The following ZNF423 variants were observed in gnomAD, a reference collection of about 807,000 sequenced individuals.
ZNF423 encodes Ebf-associated zinc finger protein.
A neutral mutation model predicts 95.8 loss-of-function variants in ZNF423; 12 were observed. The ratio of observed to expected loss-of-function variants is 0.13; its 90% CI spans 0.08 to 0.20. ZNF423 has a LOEUF of 0.20. ZNF423 is among the 10% of genes least tolerant of loss of function. The pLI is 1.00. For missense variants in ZNF423, 1,316 were observed against 1,737.1 expected, an observed-to-expected ratio of 0.76 and a Z score of 4.31; for synonymous variants, 749 against 711.9, an observed-to-expected ratio of 1.05 and a Z score of -0.83.
intron 2 of ZNF423, among the ~76,000 whole-genome samples, chr16:49,763,447 G>C (rs2033868797): frequency 6.6e-6 from 1 of 151,960 alleles, no homozygotes; most frequent in Admixed American, 6.6e-5. Context: ...GCTAATTTTT[G>C]TATTTTTTCT....
intron 1 of ZNF423, among the ~76,000 whole-genome samples, chr16:49,842,882 G>A (rs1319572105): frequency 1.7e-4 from 26 of 151,872 alleles, no homozygotes; most frequent in Non-Finnish European, 3.4e-4. Flanking sequence ...GGGAGGCTGA[G>A]GCAGGAGAAT....
rs116047098 is a variant in ZNF423 at position 49,614,874 on chromosome 16, T to C, written c.3601+11296A>G. On this transcript the variant is annotated intron_variant, in intron 5 of 7. Coordinates refer to ENST00000563137, the MANE Select transcript of ZNF423 (RefSeq NM_001379286.1). ...GATAGGGAGCAGTGGCTCACAACAG[T>C]AATCCCAGCACTTTGGGAGGCTCTG... Among the ~76,000 whole-genome samples, 153 of 152,282 alleles carry C rather than the reference T, an allele frequency of 1.0e-3. 1 individual carries two copies. The highest frequency in any genetic ancestry group is 3.5e-3 in the African/African-American group (147 of 41,558).
rs780675289 is a variant in ZNF423, at chr16:49,638,123, G to A, written c.1053C>T (p.Asp351=). ...TGCTGGAGTCGGGCTGCCGGTGGCT[G>A]TCCAGGTGGCAGTAGACACCTTCCA... is the stretch of plus-strand genomic sequence containing the variant. ...SSVEGVYCHL[D]SHRQPDSSNH... is the part of the protein sequence containing the mutation. Residue 351 remains aspartate (D), a synonymous_variant, in exon 4 of 8, where the codon GAC becomes GAT. Transcript: ENST00000563137. This position sits in a 1 kb window ranked among gnomAD's most constrained non-coding sequence, Gnocchi z 5.6. 4 of 1,612,888 alleles carry A rather than the reference G, an allele frequency of 2.5e-6. No homozygotes were observed. Among genetic ancestry groups the A allele is most frequent in the Non-Finnish European group, 3.4e-6 (4 of 1,180,014 alleles).
At chr16:49,835,852 C>T (rs567945134) in intron 1 of ZNF423, among the ~76,000 whole-genome samples, 29 of 152,052 alleles carry the variant, frequency 1.9e-4, no homozygotes, top group Non-Finnish European at 3.4e-4. Flanking sequence ...GCCGGGAAAA[C>T]GGGGCCCAGG....
At chr16:49,642,804 T>G (rs1179374772) in intron 3 of ZNF423, among the ~76,000 whole-genome samples, 2 of 137,944 alleles carry the variant, frequency 1.4e-5, no homozygotes, top group East Asian at 4.1e-4. Flanking sequence ...CTCTTTTCTT[T>G]TTTTTTTTTT....
chr16:49,754,994 T>A (rs2033698665), intron 2 of ZNF423, among the ~76,000 whole-genome samples: 2 of 152,182 alleles, frequency 1.3e-5, no homozygotes, highest in Non-Finnish European at 2.9e-5. Context: ...ATACACTCAC[T>A]GCAACAGTCC....
chr16:49,572,352 A>G (rs906652706), intron 5 of ZNF423, among the ~76,000 whole-genome samples: 4 of 152,178 alleles, frequency 2.6e-5, no homozygotes, highest in African/African-American at 7.2e-5. Context: ...GAAGGATTTT[A>G]ACTGGGGGGA....
chr16:49,599,190 G>A (rs1971277659), intron 5 of ZNF423, among the ~76,000 whole-genome samples: 1 of 152,160 alleles, frequency 6.6e-6, no homozygotes, highest in Non-Finnish European at 1.5e-5. Flanking sequence ...AGAAAGAAGG[G>A]AGGGAAAAGA....
chr16:49,616,147 A>T (rs1007606030), intron 5 of ZNF423, among the ~76,000 whole-genome samples: 9 of 152,184 alleles, frequency 5.9e-5, no homozygotes, highest in African/African-American at 2.2e-4. Context: ...ACTGCCTGGC[A>T]CACAGTAGGT....
chr16:49,837,656 C>T (rs796795877), intron 1 of ZNF423, among the ~76,000 whole-genome samples: 1 of 152,234 alleles, frequency 6.6e-6, no homozygotes, highest in Non-Finnish European at 1.5e-5. Context: ...GCCCCTGCCC[C>T]TCCAGACAGT....
At chr16:49,594,618 C>T (rs896637596) in intron 5 of ZNF423, among the ~76,000 whole-genome samples, 13 of 152,150 alleles carry the variant, frequency 8.5e-5, no homozygotes, top group Non-Finnish European at 1.5e-5. Context: ...AGACCACAAA[C>T]ACACTCAAAG....
chr16:49,790,986 G>A (rs6500257), intron 1 of ZNF423, among the ~76,000 whole-genome samples: 77,004 of 151,932 alleles, frequency 0.51, 20,068 homozygotes, highest in East Asian at 0.62. Flanking sequence ...CCTGCTCTAC[G>A]TGGTGCTCTA....
chr16:49,606,783 C>G (rs1432692242), intron 5 of ZNF423, among the ~76,000 whole-genome samples: 3 of 152,168 alleles, frequency 2.0e-5, no homozygotes, highest in Non-Finnish European at 4.4e-5. Context: ...TATCTTTTCA[C>G]TTATATGTTC....
intron 5 of ZNF423, among the ~76,000 whole-genome samples, chr16:49,569,502 C>T (rs1047142696): frequency 6.6e-6 from 1 of 152,198 alleles, no homozygotes; most frequent in Non-Finnish European, 1.5e-5. Flanking sequence ...AGCCCTGTAA[C>T]GTCCTGGCTG....
At chr16:49,550,762 T>G (rs1192173364) in intron 5 of ZNF423, among the ~76,000 whole-genome samples, 1 of 152,194 alleles carries the variant, frequency 6.6e-6, no homozygotes. Flanking sequence ...TCTCAACTCA[T>G]GCCAGTAATG....
chr16:49,527,723 G>C lies in ZNF423; in HGVS notation c.3602-2229C>G, dbSNP rs570473545. The stretch of plus-strand genomic sequence containing the variant: ...ACTGCATTTCTGGGAAGAAGAAATG[G>C]GTTCGGAGAATTAGACCATTTACTC... On this transcript the variant is annotated intron_variant, in intron 5 of 7. Coordinates refer to ENST00000563137, the MANE Select transcript of ZNF423 (RefSeq NM_001379286.1). Among the ~76,000 whole-genome samples the C allele has an allele frequency of 5.5e-4, 83 of 152,254 alleles. 1 individual carries two copies. In the South Asian group the frequency reaches 0.016, roughly 29 times the overall value.
intron 5 of ZNF423, among the ~76,000 whole-genome samples, chr16:49,555,844 G>C (rs1969805862): frequency 6.6e-6 from 1 of 152,174 alleles, no homozygotes; most frequent in South Asian, 2.1e-4. Context: ...TGTGTGGATG[G>C]ATGGATTGAT....
At chr16:49,769,354 C>CAA (rs766407384) in intron 2 of ZNF423, among the ~76,000 whole-genome samples, 3 of 90,624 alleles carry the variant, frequency 3.3e-5, no homozygotes, top group Middle Eastern at 5.0e-3. Flanking sequence ...GACTCTGTCT[C>CAA]AAAAAAAAAA....
intron 2 of ZNF423, among the ~76,000 whole-genome samples, chr16:49,758,534 G>C (rs890857440): frequency 6.6e-6 from 1 of 152,082 alleles, no homozygotes; most frequent in Non-Finnish European, 1.5e-5. Flanking sequence ...TTGAAGCCAG[G>C]ACTTCAAGAC....
Sources: allele counts gnomAD v4.1 joint callset (sites outside exome capture counted in the v4.1 genomes callset), GRCh38; gene constraint gnomAD v4.1.1; non-coding constraint Gnocchi (gnomAD v3.1); transcripts MANE v1.5; gene names NCBI Gene and HGNC (gene_info 2026-07-23, HGNC 2026-07-21).